Variants in EARS2 observed in about 807,000 individuals in gnomAD.
EARS2 encodes the protein glutamyl-tRNA synthetase 2, mitochondrial.
EARS2 carries 50 observed loss-of-function variants against 54.1 expected under a neutral mutation model. That is an observed-to-expected ratio of 0.92 (90% CI 0.74 to 1.17). The LOEUF is 1.17. Among genes scored for constraint, EARS2 ranks in the 50% most tolerant of loss-of-function variants. EARS2 has a pLI of 0.00. For synonymous variants in EARS2, 298 were observed against 281.0 expected, an observed-to-expected ratio of 1.06 and a Z score of -0.61; for missense variants, 673 against 675.0, an observed-to-expected ratio of 1.00 and a Z score of 0.03.
intron 4 of EARS2, among the ~76,000 whole-genome samples, chr16:23,533,983 G>A (rs1158830838): frequency 6.6e-6 from 1 of 152,002 alleles, no homozygotes; most frequent in Non-Finnish European, 1.5e-5. Context: ...TTGAACCCAG[G>A]AGACGGAGGT....
intron 1 of EARS2, chr16:23,556,750 T>C (rs1383152089): frequency 2.6e-6 from 1 of 384,186 alleles, no homozygotes. Context: ...TAAAGCCTTC[T>C]GGAGCGTCCT....
intron 1 of EARS2, 27 bp downstream of exon 1, chr16:23,557,178 C>T: frequency 1.3e-6 from 2 of 1,505,146 alleles, no homozygotes; most frequent in East Asian, 2.3e-5. Flanking sequence ...GGGCCTCGGC[C>T]TGTAGCGTCA....
intron 4 of EARS2, 88 bp from the exon 5 acceptor site, chr16:23,532,853 C>T (rs1253278161): frequency 1.1e-6 from 1 of 913,328 alleles, no homozygotes; most frequent in African/African-American, 1.6e-5. Flanking sequence ...CAGGATCTTG[C>T]TCTGCTGCCC....
At chr16:23,545,668 C>G (rs574790542) in intron 2 of EARS2, among the ~76,000 whole-genome samples, 1 of 152,246 alleles carries the variant, frequency 6.6e-6, no homozygotes, top group Admixed American at 6.5e-5. Context: ...TGTTACTTAG[C>G]CTTTCTTTTT....
In EARS2 at chr16:23,535,142, T is replaced by C; in HGVS notation, c.704A>G (p.Asp235Gly). The change falls in exon 4 of 9, where the codon GAC (aspartate) becomes GGC (glycine). Residue 235 changes from aspartate (D) to glycine (G), a missense_variant. Coordinates refer to ENST00000449606, the MANE Select transcript of EARS2 (RefSeq NM_001083614.2). ...GTGGCTGATGCCCATGTGGTGGTCGTCCACCACGCAGGCCAGGTGGTATGT... is the reference window on the plus strand; with the variant it reads ...GTGGCTGATGCCCATGTGGTGGTCGCCCACCACGCAGGCCAGGTGGTATGT... The part of the protein sequence containing the change: ...FPTYHLACVV[D>G]DHHMGISHVL... 2 of 1,613,030 alleles carry C rather than the reference T, an allele frequency of 1.2e-6. No homozygotes were observed. The highest frequency in any genetic ancestry group is 1.7e-6 in the Non-Finnish European group (2 of 1,179,810).
In EARS2 at chr16:23,522,196, C is replaced by G. The variant is rs1696892892; in HGVS notation, c.*2175G>C. ...TACATCATCTTCTGGAGAAAGCTCCCTAGTTTTCCTTGAGAACAACTTTTC... is the reference window on the plus strand; with the variant it reads ...TACATCATCTTCTGGAGAAAGCTCCGTAGTTTTCCTTGAGAACAACTTTTC... On this transcript the variant is annotated 3_prime_UTR_variant, in exon 9 of 9. Coordinates refer to ENST00000449606, the MANE Select transcript of EARS2 (RefSeq NM_001083614.2). 1 of 204,106 alleles carries G rather than the reference C, an allele frequency of 4.9e-6. No homozygotes were observed. 12.6% of individuals were successfully genotyped at this position (204,106 alleles called of 1,614,324 possible).
At chr16:23,549,625 G>C (rs1481611849) in intron 2 of EARS2, among the ~76,000 whole-genome samples, 1 of 152,112 alleles carries the variant, frequency 6.6e-6, no homozygotes, top group Non-Finnish European at 1.5e-5. Flanking sequence ...CACTACACCT[G>C]GGTAATTTTT....
chr16:23,551,852 G>A (rs1036379566), intron 2 of EARS2, among the ~76,000 whole-genome samples: 4 of 152,116 alleles, frequency 2.6e-5, no homozygotes, highest in African/African-American at 4.8e-5. Flanking sequence ...CCCGGAAGGC[G>A]GAGCTTGCAG....
chr16:23,543,968 C>G lies in EARS2; in HGVS notation c.485+546G>C, dbSNP rs547574131. 2.0e-5 allele frequency among the ~76,000 whole-genome samples: 3 copies of G among 152,264 alleles called. No individual in the cohort carries two copies. The East Asian group carries it at 5.8e-4, about 29-fold the overall frequency. On this transcript the variant is annotated intron_variant, in intron 3 of 8. Transcript: ENST00000449606. ...TCTCATGTTTAGACTTGGGTCCCAC[C>G]CCCAAGATATCTCATTATATATATG...
rs1965165336 is a variant in EARS2, at chr16:23,523,007, CG to C, written c.*1363del. ...GGAAGCTGGCTTCCCCCAAAGTAAG[CG>C]ATCAAAGAAAACAAGACAGAAGCCA... On this transcript the variant is annotated 3_prime_UTR_variant, in exon 9 of 9. Transcript: ENST00000449606. 1 of 152,158 alleles carries C rather than the reference CG, an allele frequency of 6.6e-6. No homozygotes were observed. Among genetic ancestry groups the C allele is most frequent in the Admixed American group, 6.6e-5 (1 of 15,266 alleles). 9.4% of individuals were successfully genotyped at this position (152,158 alleles called of 1,614,324 possible).
At chr16:23,548,805 A>G (rs951417564) in intron 2 of EARS2, among the ~76,000 whole-genome samples, 1 of 152,020 alleles carries the variant, frequency 6.6e-6, no homozygotes, top group Non-Finnish European at 1.5e-5. Flanking sequence ...CACTCTCTCG[A>G]TTGGTTCCTT....
chr16:23,538,710 G>T (rs1965464751), intron 3 of EARS2, among the ~76,000 whole-genome samples: 2 of 151,838 alleles, frequency 1.3e-5, no homozygotes. Context: ...GAAAAAAAAA[G>T]AATTAGCCGG....
chr16:23,539,511 T>G (rs779408264), intron 3 of EARS2, among the ~76,000 whole-genome samples: 1 of 152,206 alleles, frequency 6.6e-6, no homozygotes, highest in Non-Finnish European at 1.5e-5. Flanking sequence ...GTTACCTTAC[T>G]GTTTAGTCCA....
rs939466914 is a variant in EARS2 at position 23,520,972 on chromosome 16, A to G, written c.*3399T>C. 2.6e-5 allele frequency among the ~76,000 whole-genome samples: 4 copies of G among 151,970 alleles called. No homozygotes were observed. Among genetic ancestry groups the G allele is most frequent in the African/African-American group, 9.7e-5 (4 of 41,372 alleles). ...ACACCTGGCTAATTTTTGTACTTTT[A>G]GTAGAGATGGGGTTTCACCATGTTG... is the stretch of plus-strand genomic sequence containing the variant. On this transcript the variant is annotated 3_prime_UTR_variant, in exon 9 of 9. Transcript: ENST00000449606.
At chr16:23,556,386 C>T (rs1965785241) in intron 1 of EARS2, among the ~76,000 whole-genome samples, 1 of 152,310 alleles carries the variant, frequency 6.6e-6, no homozygotes, top group South Asian at 2.1e-4. Flanking sequence ...CACAGTTTCG[C>T]TCTTGTTGCC....
intron 4 of EARS2, among the ~76,000 whole-genome samples, chr16:23,533,427 C>G (rs1965359343): frequency 2.0e-5 from 3 of 152,144 alleles, no homozygotes. Context: ...CAGACATGAG[C>G]CACTGTGCCC....
Position 23,524,599 on chromosome 16 carries a change from T to C in EARS2, c.1489-145A>G. The C allele has an allele frequency of 1.8e-5, 12 of 682,756 alleles. No individual in the cohort carries two copies. In the South Asian group the frequency reaches 2.1e-4, roughly 12 times the overall value. 42.3% of individuals were successfully genotyped at this position (682,756 alleles called of 1,614,324 possible). On this transcript the variant is annotated intron_variant, in intron 8 of 8. Transcript: ENST00000449606. ...AGGATCAGTGCTTGTGTTATTTCCC[T>C]GGAAAAGGATGGGTCCTAAGAGCCT...
At chr16:23,535,888 C>A (rs989892724) in intron 3 of EARS2, among the ~76,000 whole-genome samples, 1 of 152,196 alleles carries the variant, frequency 6.6e-6, no homozygotes, top group African/African-American at 2.4e-5. Flanking sequence ...CATGCTTGGA[C>A]CTGCGGCAGC....
Position 23,536,635 on chromosome 16 carries a change from C to T in EARS2, c.486-1275G>A, listed in dbSNP as rs186699827. Among the ~76,000 whole-genome samples the T allele has an allele frequency of 3.0e-4, 45 of 150,454 alleles. No homozygotes were observed. The East Asian group carries it at 7.7e-3, about 26-fold the overall frequency. ...TATGATGGCACCACTGCACTCTAGCCTGGGTGACACAGCGAGACCCTGTCT... is the reference window on the plus strand; with the variant it reads ...TATGATGGCACCACTGCACTCTAGCTTGGGTGACACAGCGAGACCCTGTCT... On this transcript the variant is annotated intron_variant, in intron 3 of 8. Coordinates refer to ENST00000449606, the MANE Select transcript of EARS2 (RefSeq NM_001083614.2).
Sources: gnomAD v4.1 joint callset for allele counts (sites outside exome capture counted in the v4.1 genomes callset) on GRCh38, gnomAD v4.1.1 for gene constraint, MANE v1.5 for transcripts, NCBI Gene and HGNC (gene_info 2026-07-23, HGNC 2026-07-21) for gene names.